The following POU6F2 variants were observed in gnomAD, a reference collection of about 807,000 sequenced individuals.
The protein encoded by POU6F2 is POU domain, class 6, transcription factor 2.
In POU6F2, 31 loss-of-function variants were observed where a neutral mutation model predicts 71.3. The ratio of observed to expected loss-of-function variants is 0.43; its 90% CI spans 0.33 to 0.59. The LOEUF (loss-of-function observed/expected upper bound fraction) is 0.59. Among genes scored for constraint, POU6F2 ranks in the 20% least tolerant of loss-of-function variants. POU6F2 has a pLI of 0.04. For synonymous variants in POU6F2, 347 were observed against 355.7 expected (o/e 0.98, Z 0.27); for missense variants, 783 against 856.8 (o/e 0.91, Z 1.07).
rs376925081 is a variant in POU6F2, at chr7:39,269,559, G to A, written c.598+61939G>A. Among the ~76,000 whole-genome samples, 5 of 152,324 alleles carry A rather than the reference G, an allele frequency of 3.3e-5. No individual in the cohort carries two copies. The East Asian group carries it at 5.8e-4, about 18-fold the overall frequency. On this transcript the variant is annotated intron_variant, in intron 4 of 9. Transcript: ENST00000518318. ...AGCTATTCCCTTTAATTTACCATGC[G>A]TCTTCTCATCCTATAAGTGGTTCTT...
intron 4 of POU6F2, among the ~76,000 whole-genome samples, chr7:39,293,141 G>A (rs1284156704): frequency 3.3e-5 from 5 of 152,148 alleles, no homozygotes; most frequent in Admixed American, 6.5e-5. Flanking sequence ...CCAGCTGTGC[G>A]CCTGCCTCTG....
At chr7:39,067,063 G>T (rs1323216671) in intron 1 of POU6F2, among the ~76,000 whole-genome samples, 6 of 146,440 alleles carry the variant, frequency 4.1e-5, no homozygotes, top group African/African-American at 1.0e-4. Flanking sequence ...TATGTATATG[G>T]CATATATATA....
intron 5 of POU6F2, 68 bp from the exon 6 acceptor site, chr7:39,406,532 A>G (rs1377761804): frequency 7.1e-6 from 11 of 1,558,422 alleles, no homozygotes; most frequent in Non-Finnish European, 8.7e-6. Flanking sequence ...CCCAGAGTCA[A>G]TGTTGTGTCC....
At chr7:39,366,040 G>T (rs1486764272) in intron 5 of POU6F2, among the ~76,000 whole-genome samples, 1 of 152,214 alleles carries the variant, frequency 6.6e-6, no homozygotes, top group African/African-American at 2.4e-5. Flanking sequence ...GGGATGGGAT[G>T]CTTATGGGGC....
At chr7:39,358,723 G>T (rs918195875) in intron 5 of POU6F2, among the ~76,000 whole-genome samples, 1 of 152,098 alleles carries the variant, frequency 6.6e-6, no homozygotes, top group Admixed American at 6.6e-5. Flanking sequence ...GAAGATGATT[G>T]TTCATTAATA....
intron 2 of POU6F2, among the ~76,000 whole-genome samples, chr7:39,131,679 T>C (rs943820776): frequency 4.6e-5 from 7 of 152,180 alleles, no homozygotes; most frequent in Non-Finnish European, 8.8e-5. Flanking sequence ...CCATAGCCCA[T>C]GTTGAGAAAT....
At chr7:39,353,764 G>A (rs1274029367) in intron 5 of POU6F2, among the ~76,000 whole-genome samples, 1 of 152,050 alleles carries the variant, frequency 6.6e-6, no homozygotes, top group African/African-American at 2.4e-5. Context: ...TGGGGCTGCA[G>A]GTCTTCACAC....
In POU6F2 at chr7:39,024,480, A is replaced by G. The variant is rs941038719; in HGVS notation, c.105+46422A>G. Among the ~76,000 whole-genome samples, 392 of 152,078 alleles carry G rather than the reference A, an allele frequency of 2.6e-3. 2 individuals carry two copies. The highest frequency in any genetic ancestry group is 9.1e-3 in the African/African-American group (377 of 41,484). On this transcript the variant is annotated intron_variant, in intron 1 of 9. Transcript: ENST00000518318. ...GGACAATTTGACTTCCTCTTTTCCTAATTGAATACCCTTTATTTCCTTCTC... is the reference window on the plus strand; with the variant it reads ...GGACAATTTGACTTCCTCTTTTCCTGATTGAATACCCTTTATTTCCTTCTC...
At chr7:39,071,169 A>G (rs535035540) in intron 1 of POU6F2, among the ~76,000 whole-genome samples, 3 of 152,276 alleles carry the variant, frequency 2.0e-5, no homozygotes, top group Admixed American at 1.3e-4. Context: ...TCCTGCAACT[A>G]GAAGGTCCCA....
At chr7:39,287,481 G>A (rs1184889043) in intron 4 of POU6F2, among the ~76,000 whole-genome samples, 1 of 152,110 alleles carries the variant, frequency 6.6e-6, no homozygotes, top group Admixed American at 6.5e-5. Flanking sequence ...TCAAAAAATG[G>A]GGAAAGTCAT....
chr7:39,301,963 A>T (rs963464147), intron 4 of POU6F2, among the ~76,000 whole-genome samples: 17 of 152,132 alleles, frequency 1.1e-4, no homozygotes, highest in African/African-American at 1.7e-4. Context: ...AAAAAAAAGA[A>T]TTCTTCCTCT....
chr7:38,982,883 TAA>T (rs1788359262), intron 1 of POU6F2, among the ~76,000 whole-genome samples: 1 of 152,112 alleles, frequency 6.6e-6, no homozygotes, highest in Non-Finnish European at 1.5e-5. Flanking sequence ...TTGCATGTAA[TAA>T]GTTTCCTGCG....
chr7:39,433,401 A>G (rs895279646), intron 7 of POU6F2, 118 bp downstream of exon 7: 2 of 1,072,734 alleles, frequency 1.9e-6, no homozygotes, highest in Non-Finnish European at 2.7e-6. Flanking sequence ...GATCTCACTC[A>G]TCTGAACATA....
chr7:39,063,663 G>T (rs558079133), intron 1 of POU6F2, among the ~76,000 whole-genome samples: 1 of 152,050 alleles, frequency 6.6e-6, no homozygotes, highest in South Asian at 2.1e-4. Context: ...AGATTGAGAG[G>T]GTTCTCTCAG....
intron 4 of POU6F2, among the ~76,000 whole-genome samples, chr7:39,337,479 AC>A (rs1450189005): frequency 1.3e-5 from 2 of 152,278 alleles, no homozygotes; most frequent in East Asian, 1.9e-4. Flanking sequence ...TCAGAATTTT[AC>A]CCCAACAAGC....
At chr7:39,337,436 G>A (rs900649120) in intron 4 of POU6F2, among the ~76,000 whole-genome samples, 2 of 152,188 alleles carry the variant, frequency 1.3e-5, no homozygotes, top group South Asian at 4.1e-4. Context: ...TACCAGGGAA[G>A]AAAGTAAAGT....
At chr7:39,176,554 A>G (rs1793334306) in intron 2 of POU6F2, among the ~76,000 whole-genome samples, 1 of 152,134 alleles carries the variant, frequency 6.6e-6, no homozygotes, top group Admixed American at 6.5e-5. Flanking sequence ...CTTTTCCAGA[A>G]AGATAGGGAG....
At chr7:39,292,920 T>G (rs1784788037) in intron 4 of POU6F2, among the ~76,000 whole-genome samples, 2 of 152,024 alleles carry the variant, frequency 1.3e-5, no homozygotes, top group South Asian at 4.1e-4. Flanking sequence ...AAAGAAAACA[T>G]CAGAGTAGGC....
At chr7:39,455,301 G>GA (rs372967045) in intron 8 of POU6F2, among the ~76,000 whole-genome samples, 6 of 151,460 alleles carry the variant, frequency 4.0e-5, no homozygotes, top group African/African-American at 7.3e-5. Context: ...GTTAGCTCCA[G>GA]AAAAAAAACA....
Sources: allele counts gnomAD v4.1 joint callset (sites outside exome capture counted in the v4.1 genomes callset), GRCh38; gene constraint gnomAD v4.1.1; transcripts MANE v1.5; gene names NCBI Gene and HGNC (gene_info 2026-07-23, HGNC 2026-07-21).